The following NELL1 variants were observed in gnomAD, a reference collection of about 807,000 sequenced individuals.
NELL1 encodes the protein protein kinase C-binding protein NELL1.
A neutral mutation model predicts 107.4 loss-of-function variants in NELL1; 76 were observed. The observed-to-expected ratio is 0.71, with a 90% CI of 0.59 to 0.86. The LOEUF is 0.86. Ranked by LOEUF, NELL1 falls within the 40% of genes least tolerant of loss-of-function variation. The pLI, the probability that NELL1 is intolerant of heterozygous loss-of-function variation, is 0.00. For synonymous variants in NELL1, 353 were observed against 341.2 expected, an observed-to-expected ratio of 1.03 and a Z score of -0.38; for missense variants, 1,024 against 1,005.5, an observed-to-expected ratio of 1.02 and a Z score of -0.25.
At chr11:20,758,527 CA>C (rs1455470657) in intron 2 of NELL1, among the ~76,000 whole-genome samples, 1 of 152,174 alleles carries the variant, frequency 6.6e-6, no homozygotes, top group African/African-American at 2.4e-5. Flanking sequence ...GAGGTTGTAT[CA>C]GGGGTAGTGA....
At chr11:21,071,206 T>G (rs2134379058) in intron 12 of NELL1, among the ~76,000 whole-genome samples, 1 of 152,304 alleles carries the variant, frequency 6.6e-6, no homozygotes, top group Non-Finnish European at 1.5e-5. Context: ...ACCTCACTAG[T>G]AAGTTTGTTG....
chr11:21,279,210 G>C (rs897534181), intron 14 of NELL1, among the ~76,000 whole-genome samples: 2 of 152,110 alleles, frequency 1.3e-5, no homozygotes, highest in African/African-American at 4.8e-5. Flanking sequence ...GTGACCTATA[G>C]TATGGCAATT....
At chr11:21,151,352 G>T (rs1590684033) in intron 13 of NELL1, among the ~76,000 whole-genome samples, 1 of 152,280 alleles carries the variant, frequency 6.6e-6, no homozygotes, top group East Asian at 1.9e-4. Context: ...AAAGCAGCAT[G>T]AAGGTGGCAT....
intron 17 of NELL1, among the ~76,000 whole-genome samples, chr11:21,569,653 A>G (rs1402175207): frequency 6.6e-6 from 1 of 151,818 alleles, no homozygotes; most frequent in Non-Finnish European, 1.5e-5. Context: ...AAACATGACA[A>G]AGTGTTTGGA....
intron 17 of NELL1, among the ~76,000 whole-genome samples, chr11:21,564,398 C>A (rs1856922588): frequency 6.6e-6 from 1 of 151,896 alleles, no homozygotes; most frequent in South Asian, 2.1e-4. Context: ...TCCTGAGTAG[C>A]ATGTTTGAGA....
chr11:20,688,770 T>C lies in NELL1; in HGVS notation c.184+10710T>C, dbSNP rs114317598. Among the ~76,000 whole-genome samples, 232 of 152,264 alleles carry C rather than the reference T, an allele frequency of 1.5e-3. 1 individual carries two copies. Among genetic ancestry groups the C allele is most frequent in the African/African-American group, 5.4e-3 (225 of 41,576 alleles). On this transcript the variant is annotated intron_variant, in intron 2 of 19. Transcript: ENST00000357134. ...ATGTATTATATACCCAGTGATGGGA[T>C]TGTGAGTCAATGGTGGTTCTGTTTC...
intron 13 of NELL1, among the ~76,000 whole-genome samples, chr11:21,205,031 T>C (rs1389266856): frequency 6.6e-6 from 1 of 152,102 alleles, no homozygotes; most frequent in Non-Finnish European, 1.5e-5. Context: ...AGATCTCCTG[T>C]ATGAGGTGTC....
chr11:21,338,426 T>C (rs544746865), intron 14 of NELL1, among the ~76,000 whole-genome samples: 1 of 152,228 alleles, frequency 6.6e-6, no homozygotes, highest in Non-Finnish European at 1.5e-5. Context: ...CTTTGCTGGA[T>C]GGACATGGGA....
intron 17 of NELL1, among the ~76,000 whole-genome samples, chr11:21,570,094 G>C (rs1857063276): frequency 6.6e-6 from 1 of 151,808 alleles, no homozygotes; most frequent in Non-Finnish European, 1.5e-5. Context: ...AATCCTCAAA[G>C]ACAATACTTC....
At chr11:21,045,541 C>G (rs959509956) in intron 12 of NELL1, among the ~76,000 whole-genome samples, 2 of 152,146 alleles carry the variant, frequency 1.3e-5, no homozygotes, top group African/African-American at 4.8e-5. Flanking sequence ...TCTGTATTAG[C>G]ATAATAGTTT....
rs1026227087 is a variant in NELL1 at position 20,909,979 on chromosome 11, C to T, written c.604-8203C>T. Among the ~76,000 whole-genome samples the T allele has an allele frequency of 4.6e-5, 7 of 152,252 alleles. No individual in the cohort carries two copies. In the East Asian group the frequency reaches 1.2e-3, roughly 25 times the overall value. ...ACAACAAACCCCCAAAACTCAGGGG[C>T]TTATGTCAGTAAGCTCACAGGTCTG... On this transcript the variant is annotated intron_variant, in intron 5 of 19. Coordinates refer to ENST00000357134, the MANE Select transcript of NELL1 (RefSeq NM_006157.5).
At chr11:21,015,902 T>C (rs940659533) in intron 12 of NELL1, among the ~76,000 whole-genome samples, 2 of 152,092 alleles carry the variant, frequency 1.3e-5, no homozygotes, top group Non-Finnish European at 2.9e-5. Context: ...TGGGTGACTG[T>C]TTTGCTTTAT....
chr11:21,409,962 T>A (rs1852335981), intron 15 of NELL1, among the ~76,000 whole-genome samples: 1 of 152,084 alleles, frequency 6.6e-6, no homozygotes, highest in South Asian at 2.1e-4. Flanking sequence ...TGAGTTTAAA[T>A]TTTTTTAATT....
intron 12 of NELL1, among the ~76,000 whole-genome samples, chr11:21,068,853 G>C (rs905549463): frequency 6.6e-6 from 1 of 152,172 alleles, no homozygotes; most frequent in African/African-American, 2.4e-5. Flanking sequence ...CAGGGCCTTG[G>C]AGAGTGCTTA....
chr11:20,719,704 AGGATTATTTTATT>A, intron 2 of NELL1, among the ~76,000 whole-genome samples: 1 of 152,220 alleles, frequency 6.6e-6, no homozygotes, highest in South Asian at 2.1e-4. Flanking sequence ...TGGAAGCATG[AGGATTATTTTATT>A]TCCTAAACAA....
chr11:21,180,208 A>G lies in NELL1; in HGVS notation c.1427-49124A>G, dbSNP rs1292736171. ...ATATAATTAAATTAACCTGTATTAC[A>G]TAATCTTTTATTTATATCTTATCGT... On this transcript the variant is annotated intron_variant, in intron 13 of 19. Transcript: ENST00000357134. 2.0e-5 allele frequency among the ~76,000 whole-genome samples: 3 copies of G among 151,848 alleles called. No homozygotes were observed. The East Asian group carries it at 5.8e-4, about 29-fold the overall frequency.
intron 3 of NELL1, among the ~76,000 whole-genome samples, chr11:20,811,529 A>G (rs1215707862): frequency 6.6e-6 from 1 of 152,030 alleles, no homozygotes; most frequent in Non-Finnish European, 1.5e-5. Flanking sequence ...AGATTACTTT[A>G]AGTAGTATGG....
chr11:21,208,563 C>T (rs1055200793), intron 13 of NELL1, among the ~76,000 whole-genome samples: 2 of 151,938 alleles, frequency 1.3e-5, no homozygotes, highest in Non-Finnish European at 2.9e-5. Context: ...CCCCTCTACC[C>T]CTCCTCCCCA....
chr11:21,004,233 T>G (rs1339650881), intron 12 of NELL1, among the ~76,000 whole-genome samples: 2 of 152,156 alleles, frequency 1.3e-5, no homozygotes, highest in Non-Finnish European at 2.9e-5. Flanking sequence ...ATGTCCCTAA[T>G]GCTTATTATG....
Sources: allele counts gnomAD v4.1 joint callset (sites outside exome capture counted in the v4.1 genomes callset), GRCh38; gene constraint gnomAD v4.1.1; transcripts MANE v1.5; gene names NCBI Gene and HGNC (gene_info 2026-07-23, HGNC 2026-07-21).